The following WWOX variants were observed in gnomAD, a reference collection of about 807,000 sequenced individuals.
WWOX encodes WW domain containing oxidoreductase, also known as WW domain-containing oxidoreductase.
A neutral mutation model predicts 46.2 loss-of-function variants in WWOX; 69 were observed. The observed-to-expected ratio is 1.49, with a 90% CI of 1.23 to 1.82. The LOEUF is 1.82. Among genes scored for constraint, WWOX ranks in the 40% most tolerant of loss-of-function variants. The pLI, the probability that WWOX is intolerant of heterozygous loss-of-function variation, is 0.00. For synonymous variants in WWOX, 359 were observed against 202.6 expected (o/e 1.77, Z -6.56); for missense variants, 919 against 542.6 (o/e 1.69, Z -6.89).
chr16:78,960,474 C>G (rs2151311420), intron 8 of WWOX, among the ~76,000 whole-genome samples: 1 of 152,318 alleles, frequency 6.6e-6, no homozygotes, highest in Non-Finnish European at 1.5e-5. Context: ...CATTTATTTG[C>G]TTTAGCTTAA....
intron 5 of WWOX, among the ~76,000 whole-genome samples, chr16:78,210,871 G>A (rs1213286490): frequency 6.6e-6 from 1 of 152,130 alleles, no homozygotes; most frequent in Non-Finnish European, 1.5e-5. Context: ...ATTTCCTTTT[G>A]TAGTTAATCT....
At chr16:78,272,359 A>G (rs1240803186) in intron 5 of WWOX, among the ~76,000 whole-genome samples, 1 of 152,162 alleles carries the variant, frequency 6.6e-6, no homozygotes, top group African/African-American at 2.4e-5. Flanking sequence ...TGCATGGCAG[A>G]TATAGGGCCA....
chr16:79,131,781 C>T (rs1171432943), intron 8 of WWOX, among the ~76,000 whole-genome samples: 2 of 152,088 alleles, frequency 1.3e-5, no homozygotes, highest in African/African-American at 2.4e-5. Flanking sequence ...TAAAAACATA[C>T]CCTAGCCTGG....
At chr16:78,428,130 G>C (rs898358924) in intron 7 of WWOX, among the ~76,000 whole-genome samples, 3 of 152,212 alleles carry the variant, frequency 2.0e-5, no homozygotes, top group Admixed American at 2.0e-4. Context: ...GATTTGTGAG[G>C]GGCGGGGGTC....
chr16:78,291,134 T>G (rs761866857), intron 5 of WWOX, among the ~76,000 whole-genome samples: 1 of 151,890 alleles, frequency 6.6e-6, no homozygotes, highest in African/African-American at 2.4e-5. Flanking sequence ...GGAACTCACT[T>G]AATCTGATTT....
In WWOX at chr16:78,839,821, A is replaced by T. The variant is rs76647085; in HGVS notation, c.1057-371787A>T. Reference sequence around the variant, plus strand: ...AGAACCCACCTCCTAAAACCGTCTCATCATCGTCTAGAGATATTTCTCCAA... The same window carrying T: ...AGAACCCACCTCCTAAAACCGTCTCTTCATCGTCTAGAGATATTTCTCCAA... On this transcript the variant is annotated intron_variant, in intron 8 of 8. Transcript: ENST00000566780. Among the ~76,000 whole-genome samples the T allele has an allele frequency of 5.7e-3, 874 of 152,306 alleles. 7 individuals are homozygous for T. Among genetic ancestry groups the T allele is most frequent in the African/African-American group, 0.02 (827 of 41,554 alleles).
chr16:78,313,442 C>G lies in WWOX; in HGVS notation c.517-73418C>G, dbSNP rs545801161. Among the ~76,000 whole-genome samples the G allele has an allele frequency of 5.9e-5, 9 of 152,296 alleles. No homozygotes were observed. In the South Asian group the frequency reaches 1.9e-3, roughly 32 times the overall value. ...AGTACAGTGGTACGATCTTAGCTCACCACAAGCTCTGCCTCCCGTTTAAAG... is the reference window on the plus strand; with the variant it reads ...AGTACAGTGGTACGATCTTAGCTCAGCACAAGCTCTGCCTCCCGTTTAAAG... On this transcript the variant is annotated intron_variant, in intron 5 of 8. Coordinates refer to ENST00000566780, the MANE Select transcript of WWOX (RefSeq NM_016373.4).
intron 1 of WWOX, among the ~76,000 whole-genome samples, chr16:78,104,523 C>T (rs2032020339): frequency 6.6e-6 from 1 of 152,048 alleles, no homozygotes; most frequent in Admixed American, 6.6e-5. Context: ...TAACAGAAAA[C>T]ACCCCATACG....
chr16:78,378,670 C>G (rs1411147488), intron 5 of WWOX, among the ~76,000 whole-genome samples: 1 of 152,126 alleles, frequency 6.6e-6, no homozygotes, highest in Non-Finnish European at 1.5e-5. Flanking sequence ...GGTTTTAGAA[C>G]ATAAAATCAG....
chr16:78,937,171 A>G (rs150409637), intron 8 of WWOX, among the ~76,000 whole-genome samples: 131 of 152,292 alleles, frequency 8.6e-4, no homozygotes, highest in African/African-American at 2.9e-3. Context: ...ATCAAGAGGA[A>G]CATACATATG....
chr16:78,797,545 C>G (rs1039009976), intron 8 of WWOX, among the ~76,000 whole-genome samples: 1 of 152,170 alleles, frequency 6.6e-6, no homozygotes, highest in Admixed American at 6.5e-5. Flanking sequence ...ACTGTTCCAA[C>G]TCCAGTCTGG....
At chr16:78,653,152 A>G (rs770828003) in intron 8 of WWOX, among the ~76,000 whole-genome samples, 1 of 152,138 alleles carries the variant, frequency 6.6e-6, no homozygotes, top group African/African-American at 2.4e-5. Context: ...GCACATAGAT[A>G]TATAATTAAA....
intron 8 of WWOX, among the ~76,000 whole-genome samples, chr16:78,812,183 C>T (rs1004806845): frequency 6.6e-6 from 1 of 151,924 alleles, no homozygotes; most frequent in Non-Finnish European, 1.5e-5. Context: ...CCTAACTTGG[C>T]ACTGTATCTG....
chr16:78,852,026 A>G (rs2052456624), intron 8 of WWOX, among the ~76,000 whole-genome samples: 1 of 152,206 alleles, frequency 6.6e-6, no homozygotes, highest in South Asian at 2.1e-4. Flanking sequence ...TACTGGCCCC[A>G]CAATCAAGAG....
At chr16:78,682,175 A>G (rs1164637264) in intron 8 of WWOX, among the ~76,000 whole-genome samples, 1 of 152,240 alleles carries the variant, frequency 6.6e-6, no homozygotes, top group African/African-American at 2.4e-5. Context: ...TTTTACACCT[A>G]CAAATCAGGA....
chr16:78,652,164 C>T (rs570290978), intron 8 of WWOX, among the ~76,000 whole-genome samples: 30 of 151,328 alleles, frequency 2.0e-4, no homozygotes, highest in African/African-American at 5.8e-4. Flanking sequence ...GTAATCCCAG[C>T]ACTTTGGGAG....
chr16:79,046,050 C>T (rs1187264999), intron 8 of WWOX, among the ~76,000 whole-genome samples: 2 of 152,042 alleles, frequency 1.3e-5, no homozygotes, highest in Non-Finnish European at 1.5e-5. Context: ...GATCTGTCTG[C>T]CTTGCCCTCC....
intron 3 of WWOX, among the ~76,000 whole-genome samples, chr16:78,113,784 T>A (rs1227498527): frequency 6.6e-6 from 1 of 152,198 alleles, no homozygotes; most frequent in East Asian, 1.9e-4. Flanking sequence ...ACTGCTCTGT[T>A]GTGTGTGTAT....
chr16:78,525,510 G>C (rs775005659), intron 8 of WWOX: 3 of 152,180 alleles, frequency 2.0e-5, no homozygotes, highest in Non-Finnish European at 4.4e-5. Context: ...AGTCAAATGG[G>C]AGATACTTGT....
Sources: gnomAD v4.1 joint callset for allele counts (sites outside exome capture counted in the v4.1 genomes callset) on GRCh38, gnomAD v4.1.1 for gene constraint, MANE v1.5 for transcripts, NCBI Gene and HGNC (gene_info 2026-07-23, HGNC 2026-07-21) for gene names.